The following KLF8 variants were observed in gnomAD, a reference collection of about 807,000 sequenced individuals.
KLF8 encodes the protein Krueppel-like factor 8.
KLF8 carries 10 observed loss-of-function variants against 18.2 expected under a neutral mutation model. That is an observed-to-expected ratio of 0.55 (90% CI 0.34 to 0.93). The LOEUF (loss-of-function observed/expected upper bound fraction) is 0.93. Among genes scored for constraint, KLF8 ranks in the 40% least tolerant of loss-of-function variants. KLF8 has a pLI of 0.02. For missense variants in KLF8, 264 were observed against 277.9 expected, an observed-to-expected ratio of 0.95 and a Z score of 0.36; for synonymous variants, 109 against 97.3, an observed-to-expected ratio of 1.12 and a Z score of -0.71.
the KLF8 span, among the ~76,000 whole-genome samples, chrX:55,936,384 A>C: frequency 8.9e-6 from 1 of 112,490 alleles, no homozygotes; most frequent in African/African-American, 3.2e-5. Context: ...ACTTGTAAGA[A>C]TCTAGTCGAG....
rs1042083791 is a variant in KLF8, at chrX:56,285,576, G to T, written c.*1082G>T. The T allele has an allele frequency of 3.6e-5, 4 of 111,488 alleles. No individual in the cohort carries two copies. The highest frequency in any genetic ancestry group is 7.5e-5 in the Non-Finnish European group (4 of 53,053). The allele number at this position is 111,488 out of a possible 1,213,427, so 9.2% of individuals were successfully genotyped here. A position where few individuals can be genotyped will look rare whatever the true frequency, so the allele number is the denominator to read the frequency against. Reference sequence around the variant, plus strand: ...TAAGGGGTTGGAAAAATGGAATGTTGTTCACTCCATGGAATTATTGGCATT... The same window carrying T: ...TAAGGGGTTGGAAAAATGGAATGTTTTTCACTCCATGGAATTATTGGCATT... On this transcript the variant is annotated 3_prime_UTR_variant, in exon 6 of 6. Coordinates refer to ENST00000468660, the MANE Select transcript of KLF8 (RefSeq NM_007250.5).
the KLF8 span, among the ~76,000 whole-genome samples, chrX:56,107,896 G>A: frequency 2.7e-5 from 3 of 112,027 alleles, no homozygotes; most frequent in African/African-American, 6.5e-5. Flanking sequence ...AGCAATGTTT[G>A]AGAGTTTTTA....
At chrX:56,179,702 G>C in the KLF8 span, among the ~76,000 whole-genome samples, 2 of 111,453 alleles carry the variant, frequency 1.8e-5, no homozygotes, top group Admixed American at 9.6e-5. Flanking sequence ...TAGCATGAAG[G>C]GTTGTTGAAT....
chrX:56,162,065 G>A, the KLF8 span, among the ~76,000 whole-genome samples: 7 of 111,947 alleles, frequency 6.3e-5, no homozygotes, highest in African/African-American at 2.3e-4. Flanking sequence ...GGTATCAGCA[G>A]CAGAGGCTGC....
the KLF8 span, among the ~76,000 whole-genome samples, chrX:56,154,472 T>G: frequency 8.9e-6 from 1 of 111,971 alleles, no homozygotes; most frequent in Admixed American, 9.5e-5. Flanking sequence ...ATGAAAGACT[T>G]AAATGTTAGA....
the KLF8 span, among the ~76,000 whole-genome samples, chrX:56,121,586 T>A: frequency 1.4e-5 from 1 of 69,730 alleles, no homozygotes; most frequent in Non-Finnish European, 2.9e-5. Flanking sequence ...TCTTTTCATG[T>A]TTCTGCCTTC....
the KLF8 span, among the ~76,000 whole-genome samples, chrX:56,061,500 C>T: frequency 8.9e-6 from 1 of 111,862 alleles, no homozygotes; most frequent in Non-Finnish European, 1.9e-5. Context: ...ATCTTGAGTT[C>T]TAATTTGACT....
chrX:56,254,412 G>A (rs763127923), intron 2 of KLF8, among the ~76,000 whole-genome samples: 2 of 111,517 alleles, frequency 1.8e-5, no homozygotes, highest in Admixed American at 9.5e-5. Flanking sequence ...TCCGGGGGGC[G>A]GGGTGCCTGC....
the KLF8 span, among the ~76,000 whole-genome samples, chrX:56,162,567 C>A: frequency 8.9e-6 from 1 of 112,036 alleles, no homozygotes; most frequent in Non-Finnish European, 1.9e-5. Flanking sequence ...ACCCTCCAAG[C>A]CAAGCATAGG....
chrX:56,083,658 G>A, the KLF8 span, among the ~76,000 whole-genome samples: 442 of 111,958 alleles, frequency 3.9e-3, no homozygotes, highest in African/African-American at 0.014. Context: ...ATTAGTACCA[G>A]TCAGTGGCCT....
intron 2 of KLF8, among the ~76,000 whole-genome samples, chrX:56,262,416 A>G (rs1478145133): frequency 8.9e-6 from 1 of 111,862 alleles, no homozygotes; most frequent in Non-Finnish European, 1.9e-5. Flanking sequence ...AGCTAGTAAC[A>G]TTGTTGTAGG....
At chrX:56,014,584 C>A in the KLF8 span, among the ~76,000 whole-genome samples, 4 of 111,858 alleles carry the variant, frequency 3.6e-5, no homozygotes, top group Admixed American at 1.9e-4. Flanking sequence ...CCTCAAAGAC[C>A]TAGAACCAGA....
At chrX:56,056,800 T>A in the KLF8 span, among the ~76,000 whole-genome samples, 10,349 of 41,890 alleles carry the variant, frequency 0.25, 1,229 homozygotes, top group African/African-American at 0.49. Context: ...AAAGTATATA[T>A]AAAAAAAAAA....
the KLF8 span, among the ~76,000 whole-genome samples, chrX:56,069,521 A>T: frequency 2.2e-3 from 247 of 111,157 alleles, no homozygotes; most frequent in Middle Eastern, 4.7e-3. Flanking sequence ...GTACCCAGAC[A>T]GTAGGGATGG....
At chrX:55,998,112 C>A in the KLF8 span, among the ~76,000 whole-genome samples, 1 of 112,674 alleles carries the variant, frequency 8.9e-6, no homozygotes, top group Non-Finnish European at 1.9e-5. Flanking sequence ...CATCTCAATG[C>A]TTTACAAAGC....
At chrX:56,233,894 G>A (rs1244686681) in intron 1 of KLF8, among the ~76,000 whole-genome samples, 1 of 111,615 alleles carries the variant, frequency 9.0e-6, no homozygotes, top group African/African-American at 3.3e-5. Context: ...TCTTTAAGGA[G>A]GGGCTGAGCT....
At chrX:56,183,118 C>G in the KLF8 span, among the ~76,000 whole-genome samples, 1 of 112,092 alleles carries the variant, frequency 8.9e-6, no homozygotes, top group Non-Finnish European at 1.9e-5. Flanking sequence ...TGGGCTCCAC[C>G]CTTTTTGAGC....
chrX:56,174,351 A>G, the KLF8 span, among the ~76,000 whole-genome samples: 2 of 111,868 alleles, frequency 1.8e-5, no homozygotes, highest in Non-Finnish European at 3.8e-5. Flanking sequence ...TTATTGAGAT[A>G]ATCAGGTGGT....
chrX:56,240,062 T>C (rs1348523430), intron 1 of KLF8, among the ~76,000 whole-genome samples: 2 of 112,572 alleles, frequency 1.8e-5, no homozygotes, highest in East Asian at 5.5e-4. Context: ...GGGGATGTGA[T>C]GTGAATATAT....
Sources: gnomAD v4.1 joint callset for allele counts (sites outside exome capture counted in the v4.1 genomes callset) on GRCh38, gnomAD v4.1.1 for gene constraint, MANE v1.5 for transcripts, NCBI Gene and HGNC (gene_info 2026-07-23, HGNC 2026-07-21) for gene names.